SART3: variants seen among roughly 807,000 people sequenced by gnomAD.
SART3 encodes the protein spliceosome associated factor 3, U4/U6 recycling protein, also known as HIV-1 Tat-interacting protein of 110kDa.
A neutral mutation model predicts 122.3 loss-of-function variants in SART3; 44 were observed. The observed-to-expected ratio is 0.36, with a 90% confidence interval of 0.28 to 0.46. SART3 has a LOEUF of 0.46. SART3 is among the 20% of genes least tolerant of loss of function. The pLI is 1.00. For synonymous variants in SART3, 442 were observed against 454.0 expected (o/e 0.97, Z 0.34); for missense variants, 1,101 against 1,229.0 (o/e 0.90, Z 1.56).
rs1447935411 is a variant in SART3 at position 108,526,329 on chromosome 12, T to G, written c.2140A>C (p.Ser714Arg). Residue 714 changes from serine to arginine, a missense_variant, in exon 16 of 19, where the codon AGC becomes CGC. By Grantham distance (110) the Ser-to-Arg change is moderately radical. Transcript: ENST00000546815. ...AGCTTCGTGTCCGGCTCCTGCATGC[T>G]GTAGGGCAGGTTGCTGACAAAGACG... ...ITVFVSNLPY[S>R]MQEPDTKLRP... The G allele has an allele frequency of 1.2e-6, 2 of 1,614,024 alleles. No homozygotes were observed. The highest frequency in any genetic ancestry group is 1.7e-6 in the Non-Finnish European group (2 of 1,179,978).
intron 4 of SART3, 131 bp downstream of exon 4, chr12:108,545,008 G>A: frequency 1.1e-6 from 1 of 939,614 alleles, no homozygotes; most frequent in Non-Finnish European, 1.8e-6. Context: ...ACCACTAAGG[G>A]ATTGGCAAAG....
Position 108,536,728 on chromosome 12 carries a change from A to G in SART3, c.1367T>C (p.Leu456Pro). The change falls in exon 10 of 19, where the codon CTG becomes CCG. Residue 456 changes from leucine to proline, a missense_variant. This residue lies in a region of SART3 where 885 missense variants were observed against 1,080.1 expected (regional missense o/e 0.82). Transcript: ENST00000546815. ...CTTACGCTCTTCCACCTCCTGCTTC[A>G]GATACTCCAAGGCACGAGTAAAGGC... ...RAAFTRALEY[L>P]KQEVEERFNE... 6.2e-7 allele frequency: 1 copy of G among 1,613,996 alleles called. No individual in the cohort carries two copies. The highest frequency in any genetic ancestry group is 8.5e-7 in the Non-Finnish European group (1 of 1,179,906).
Position 108,561,005 on chromosome 12 carries a change from G to A in SART3, c.150C>T (p.Thr50=). ...CCTGCTGATCCCACGCTGGCCCCAT[G>A]GTCTTGTATGTCGCAGCGGCCACAG... ...SRAVAAATYK[T]MGPAWDQQEE... The change falls in exon 1 of 19, where the codon ACC becomes ACT. Residue 50 remains threonine, a synonymous_variant. Coordinates refer to ENST00000546815, the MANE Select transcript of SART3 (RefSeq NM_014706.4). 2.5e-6 allele frequency: 4 copies of A among 1,614,192 alleles called. No homozygotes were observed. The South Asian group carries it at 3.3e-5, about 13-fold the overall frequency.
At chr12:108,555,731 C>A (rs1000118301) in intron 1 of SART3, among the ~76,000 whole-genome samples, 7 of 152,148 alleles carry the variant, frequency 4.6e-5, no homozygotes, top group Non-Finnish European at 1.0e-4. Flanking sequence ...TTAGAATAAT[C>A]ATTATGGCAA....
rs774143210 is a variant in SART3 at position 108,535,474 on chromosome 12, G to A, written c.1447-6C>T. The A allele has an allele frequency of 6.2e-7, 1 of 1,612,972 alleles. No individual in the cohort carries two copies. Among genetic ancestry groups the A allele is most frequent in the African/African-American group, 1.3e-5 (1 of 75,024 alleles). On this transcript the variant is annotated splice_polypyrimidine_tract_variant and splice_region_variant and intron_variant, in intron 11 of 18. Coordinates refer to ENST00000546815, the MANE Select transcript of SART3 (RefSeq NM_014706.4). ...ATGTTATTGCACAGTCGAGCCTAAA[G>A]TGCATCAGCAGGCTGTTAGGAGACC... is the stretch of plus-strand genomic sequence containing the variant.
intron 9 of SART3, 41 bp from the exon 10 acceptor site, chr12:108,536,826 G>A (rs751488743): frequency 3.2e-6 from 5 of 1,573,136 alleles, no homozygotes; most frequent in Non-Finnish European, 4.4e-6. Flanking sequence ...AAACCACATA[G>A]CCTGGCTTTG....
At chr12:108,557,202 CAT>C (rs2030258409) in intron 1 of SART3, among the ~76,000 whole-genome samples, 1 of 139,774 alleles carries the variant, frequency 7.2e-6, no homozygotes, top group Non-Finnish European at 1.5e-5. Flanking sequence ...TCATTAATGA[CAT>C]AGTTTTTTTT....
intron 12 of SART3, 30 bp from the exon 13 acceptor site, chr12:108,532,364 C>T (rs768270217): frequency 1.3e-6 from 2 of 1,597,406 alleles, no homozygotes; most frequent in Admixed American, 1.7e-5. Flanking sequence ...GTTGCTGCCA[C>T]CAGGACACAA....
intron 6 of SART3, among the ~76,000 whole-genome samples, chr12:108,540,286 C>T (rs1041252092): frequency 5.3e-5 from 8 of 152,256 alleles, no homozygotes; most frequent in East Asian, 3.9e-4. Flanking sequence ...ACACATTGTC[C>T]GTCTAGAATT....
chr12:108,526,310 G>A lies in SART3; in HGVS notation c.2159C>T (p.Thr720Met), dbSNP rs115086075. 1.7e-5 allele frequency: 28 copies of A among 1,614,184 alleles called. No homozygotes were observed. The highest frequency in any genetic ancestry group is 1.3e-4 in the Admixed American group (8 of 60,026). Residue 720 changes from threonine (T) to methionine (M), a missense_variant, in exon 16 of 19, where the codon ACG becomes ATG. By Grantham distance (81) the Thr-to-Met change is moderately conservative. This residue lies in a region of SART3 where 885 missense variants were observed against 1,080.1 expected (regional missense o/e 0.82). Coordinates refer to ENST00000546815, the MANE Select transcript of SART3 (RefSeq NM_014706.4). ...NLPYSMQEPD[T>M]KLRPLFEACG... is the part of the protein sequence containing the mutation. ...GGCCTCGAAGAGTGGCCTGAGCTTC[G>A]TGTCCGGCTCCTGCATGCTGTAGGG...
In SART3 at chr12:108,561,169, G is replaced by A. The variant is rs1205919885; in HGVS notation, c.-15C>T. On this transcript the variant is annotated 5_prime_UTR_variant, in exon 1 of 19. Coordinates refer to ENST00000546815, the MANE Select transcript of SART3 (RefSeq NM_014706.4). Reference sequence around the variant, plus strand: ...GCAGTCGCCATCTTGCGCTTCTAATGACTCTCGGGTCTTCCCGCGGCCGCC... The same window carrying A: ...GCAGTCGCCATCTTGCGCTTCTAATAACTCTCGGGTCTTCCCGCGGCCGCC... The A allele has an allele frequency of 1.9e-6, 3 of 1,610,764 alleles. No homozygotes were observed. Among genetic ancestry groups the A allele is most frequent in the South Asian group, 1.1e-5 (1 of 90,986 alleles).
At chr12:108,558,488 T>C (rs2030326080) in intron 1 of SART3, among the ~76,000 whole-genome samples, 1 of 152,146 alleles carries the variant, frequency 6.6e-6, no homozygotes, top group Admixed American at 6.5e-5. Flanking sequence ...AACTGCAGAG[T>C]ACTAGTGGCC....
rs572381313 is a variant in SART3, at chr12:108,523,616, C to T, written c.2733G>A (p.Thr911=). 8 of 1,614,106 alleles carry T rather than the reference C, an allele frequency of 5.0e-6. No homozygotes were observed. Among genetic ancestry groups the T allele is most frequent in the South Asian group, 2.2e-5 (2 of 91,086 alleles). ...QTYGARGKGR[T]QLSLLPRALQ... is the part of the protein sequence containing the mutation. Reference sequence around the variant, plus strand: ...GGGCACGAGGCAGTAGAGACAGCTGCGTCCTTCCCTTCCCCCTCCTAAAAG... The same window carrying T: ...GGGCACGAGGCAGTAGAGACAGCTGTGTCCTTCCCTTCCCCCTCCTAAAAG... Residue 911 remains threonine, a synonymous_variant, in exon 19 of 19, where the codon ACG becomes ACA. Transcript: ENST00000546815.
chr12:108,559,664 CAAAAA>C (rs35159668), intron 1 of SART3, among the ~76,000 whole-genome samples: 251 of 79,732 alleles, frequency 3.1e-3, no homozygotes, highest in African/African-American at 0.011. Context: ...GACTCTGTCT[CAAAAA>C]AAAAAAAAAA....
At position 108,536,582 on chromosome 12, in the gene SART3, C is replaced by T; in HGVS notation, c.1388-10G>A. On this transcript the variant is annotated splice_polypyrimidine_tract_variant and intron_variant, in intron 10 of 18. Coordinates refer to ENST00000546815, the MANE Select transcript of SART3 (RefSeq NM_014706.4). ...CCACTCTCATTGAAACCTTCAAAAA[C>T]AGAATTAGTAAAATTAGAAAGGAAC... 1.2e-6 allele frequency: 2 copies of T among 1,614,078 alleles called. No individual in the cohort carries two copies. The highest frequency in any genetic ancestry group is 1.7e-6 in the Non-Finnish European group (2 of 1,179,942).
intron 5 of SART3, 142 bp downstream of exon 5, chr12:108,544,285 C>G: frequency 1.2e-6 from 1 of 833,444 alleles, no homozygotes; most frequent in Middle Eastern, 2.6e-4. Flanking sequence ...GGACCTCATC[C>G]AAAGAGACAA....
At position 108,560,948 on chromosome 12, in the gene SART3, C is replaced by CTCA; in HGVS notation, c.204_206dup (p.Asp68dup). The CTCA allele has an allele frequency of 3.1e-6, 5 of 1,614,044 alleles. No homozygotes were observed. Among genetic ancestry groups the CTCA allele is most frequent in the Non-Finnish European group, 4.2e-6 (5 of 1,179,978 alleles). On this transcript the variant is annotated inframe_insertion, in exon 1 of 19. Coordinates refer to ENST00000546815, the MANE Select transcript of SART3 (RefSeq NM_014706.4). ...TCTCCGCGGAGGAAGCCATGGCGTA[C>CTCA]TCATCCCCATCGCTCTCGCTCACGC...
In SART3 at chr12:108,526,084, T is replaced by C. The variant is rs755119961; in HGVS notation, c.2370+15A>G. 1.4e-5 allele frequency: 22 copies of C among 1,608,906 alleles called. No homozygotes were observed. The South Asian group carries it at 2.1e-4, about 15-fold the overall frequency. ...AACCACAGATGAAAGGCATTCTTTT[T>C]TTCCATAAACCTACCTTAAAATCGG... is the stretch of plus-strand genomic sequence containing the variant. On this transcript the variant is annotated intron_variant, in intron 16 of 18. Transcript: ENST00000546815.
At chr12:108,533,730 C>T (rs1335100752) in intron 12 of SART3, among the ~76,000 whole-genome samples, 1 of 152,162 alleles carries the variant, frequency 6.6e-6, no homozygotes, top group South Asian at 2.1e-4. Flanking sequence ...TTTTTTAATA[C>T]TATAGGATGA....
Sources: allele counts gnomAD v4.1 joint callset (sites outside exome capture counted in the v4.1 genomes callset), GRCh38; gene constraint gnomAD v4.1.1; regional missense constraint gnomAD v4.1.1; transcripts MANE v1.5; gene names NCBI Gene and HGNC (gene_info 2026-07-23, HGNC 2026-07-21).